The following PWWP3B variants were observed in gnomAD, a reference collection of about 807,000 sequenced individuals.
PWWP3B encodes the protein PWWP domain-containing DNA repair factor 3B.
Under a neutral mutation model 15.7 loss-of-function variants are expected in PWWP3B, and 5 were observed. The observed-to-expected ratio is 0.32, with a 90% CI of 0.17 to 0.67. The LOEUF (loss-of-function observed/expected upper bound fraction) is 0.67, where lower values mean the gene tolerates loss of function less well. Ranked by LOEUF, PWWP3B falls within the 30% of genes least tolerant of loss-of-function variation. The probability of loss-of-function intolerance (pLI) is 0.74; values close to 1 mark genes in which losing one functional copy is unlikely to be tolerated. For synonymous variants in PWWP3B, 203 were observed against 179.8 expected (o/e 1.13, Z -1.03); for missense variants, 519 against 493.1 (o/e 1.05, Z -0.50).
chrX:106,202,850 AT>A (rs1923781990), intron 2 of PWWP3B, among the ~76,000 whole-genome samples: 1 of 112,375 alleles, frequency 8.9e-6, no homozygotes, highest in African/African-American at 3.2e-5. Context: ...TAGTATACCT[AT>A]GTATGTTACT....
intron 2 of PWWP3B, among the ~76,000 whole-genome samples, chrX:106,175,136 A>G (rs1921818647): frequency 9.1e-6 from 1 of 110,308 alleles, no homozygotes; most frequent in African/African-American, 3.3e-5. Flanking sequence ...GAAAGAAGTC[A>G]AGGATAGTAA....
intron 2 of PWWP3B, among the ~76,000 whole-genome samples, chrX:106,172,646 A>G (rs1184401960): frequency 6.3e-5 from 7 of 111,041 alleles, no homozygotes; most frequent in Non-Finnish European, 1.3e-4. Flanking sequence ...GCCCTTTTCT[A>G]GAATACCCCC....
intron 2 of PWWP3B, among the ~76,000 whole-genome samples, chrX:106,195,626 A>G (rs1344974410): frequency 2.7e-5 from 3 of 111,840 alleles, no homozygotes; most frequent in Non-Finnish European, 5.6e-5. Flanking sequence ...TCTGTTGGCT[A>G]TATTTGATGG....
chrX:106,188,516 T>G (rs1922658179), intron 2 of PWWP3B, among the ~76,000 whole-genome samples: 1 of 111,966 alleles, frequency 8.9e-6, no homozygotes, highest in Non-Finnish European at 1.9e-5. Flanking sequence ...GACCCGGGTT[T>G]AAAGAGGTAT....
At position 106,206,719 on chromosome X, in the gene PWWP3B, G is replaced by A. The variant is rs779990784; in HGVS notation, c.1287G>A (p.Met429Ile). 2.5e-6 allele frequency: 3 copies of A among 1,209,670 alleles called. No homozygotes were observed. Among genetic ancestry groups the A allele is most frequent in the Non-Finnish European group, 3.4e-6 (3 of 894,613 alleles). Residue 429 changes from methionine (M) to isoleucine (I), a missense_variant, in exon 4 of 4, where the codon ATG becomes ATA. Met to Ile is a conservative substitution (Grantham distance 10, BLOSUM62 1). Transcript: ENST00000357175. ...GTGTGCTTTTTGTTGAGGCAAACAT[G>A]AATTCTGAAAAGAAGGGCATTAGAG... ...KASVLFVEAN[M>I]NSEKKGIRVN...
At chrX:106,173,284 T>C (rs1398791359) in intron 2 of PWWP3B, among the ~76,000 whole-genome samples, 1 of 111,611 alleles carries the variant, frequency 9.0e-6, no homozygotes, top group Non-Finnish European at 1.9e-5. Flanking sequence ...ACAAAAACAA[T>C]GTCCCCGATA....
intron 2 of PWWP3B, among the ~76,000 whole-genome samples, chrX:106,179,943 C>G (rs1922101827): frequency 9.0e-6 from 1 of 111,687 alleles, no homozygotes; most frequent in South Asian, 3.7e-4. Context: ...TTGGATGCCC[C>G]AGCCATCTGC....
At chrX:106,203,791 A>G (rs752131479) in intron 2 of PWWP3B, among the ~76,000 whole-genome samples, 194 bp from the exon 3 acceptor site, 5 of 112,217 alleles carry the variant, frequency 4.5e-5, no homozygotes, top group Admixed American at 2.8e-4. Context: ...TAAACAAAAT[A>G]GCATAAATTT....
At chrX:106,171,970 T>A (rs1921643076) in intron 2 of PWWP3B, among the ~76,000 whole-genome samples, 1 of 111,487 alleles carries the variant, frequency 9.0e-6, no homozygotes, top group Admixed American at 9.6e-5. Context: ...TATACTAAAA[T>A]AAGATTAAAA....
intron 1 of PWWP3B, among the ~76,000 whole-genome samples, chrX:106,168,764 G>C (rs1159775912): frequency 8.9e-6 from 1 of 111,862 alleles, no homozygotes; most frequent in Non-Finnish European, 1.9e-5. Context: ...GGGGATGTTG[G>C]TTTTTTATAT....
chrX:106,192,140 G>C (rs140956389), intron 2 of PWWP3B, among the ~76,000 whole-genome samples: 56 of 111,722 alleles, frequency 5.0e-4, no homozygotes, highest in Non-Finnish European at 7.5e-4. Flanking sequence ...TTGTACCTCT[G>C]TTAGAATTTG....
At position 106,184,021 on chromosome X, in the gene PWWP3B, C is replaced by A. The variant is rs747659688; in HGVS notation, c.-401+12882C>A. On this transcript the variant is annotated intron_variant, in intron 2 of 3. Transcript: ENST00000357175. ...CTTTGCAAACCTCACTGGTAACAAGCCCTACCGGGTGATTGGCCTGCTCCA... is the reference window on the plus strand; with the variant it reads ...CTTTGCAAACCTCACTGGTAACAAGACCTACCGGGTGATTGGCCTGCTCCA... 3.6e-5 allele frequency among the ~76,000 whole-genome samples: 4 copies of A among 111,844 alleles called. No individual in the cohort carries two copies. In the South Asian group the frequency reaches 1.5e-3, roughly 42 times the overall value.
intron 2 of PWWP3B, among the ~76,000 whole-genome samples, chrX:106,197,996 A>G (rs1204860554): frequency 8.9e-6 from 1 of 112,181 alleles, no homozygotes; most frequent in Admixed American, 9.5e-5. Flanking sequence ...TGCTTTAGGA[A>G]GAAGCAGATG....
chrX:106,175,503 G>A (rs1226616814), intron 2 of PWWP3B, among the ~76,000 whole-genome samples: 2 of 110,377 alleles, frequency 1.8e-5, no homozygotes, highest in Non-Finnish European at 3.8e-5. Flanking sequence ...GCCTCCCAAA[G>A]TGCTGGTATT....
intron 2 of PWWP3B, among the ~76,000 whole-genome samples, chrX:106,189,347 A>T (rs182334321): frequency 2.7e-5 from 3 of 110,641 alleles, no homozygotes; most frequent in Non-Finnish European, 3.8e-5. Flanking sequence ...GTCATTTAGC[A>T]TTAGGTATAT....
intron 2 of PWWP3B, among the ~76,000 whole-genome samples, chrX:106,197,139 C>T (rs141205069): frequency 0.016 from 1,783 of 111,949 alleles, 31 homozygotes; most frequent in African/African-American, 0.054. Flanking sequence ...ATTCTTTCCT[C>T]TCCCCATGGC....
chrX:106,195,509 T>A (rs1923322833), intron 2 of PWWP3B, among the ~76,000 whole-genome samples: 1 of 111,786 alleles, frequency 8.9e-6, no homozygotes, highest in African/African-American at 3.3e-5. Flanking sequence ...TTGTATATCT[T>A]CTTAGCTGAG....
At chrX:106,197,288 C>G (rs1198769962) in intron 2 of PWWP3B, among the ~76,000 whole-genome samples, 8 of 111,841 alleles carry the variant, frequency 7.2e-5, no homozygotes, top group African/African-American at 2.6e-4. Context: ...CCTTCTACTT[C>G]TCCCTGAGCA....
intron 2 of PWWP3B, among the ~76,000 whole-genome samples, chrX:106,185,433 C>G (rs1922452524): frequency 9.0e-6 from 1 of 111,404 alleles, no homozygotes; most frequent in African/African-American, 3.3e-5. Flanking sequence ...AGATCCCCCT[C>G]TTGCCCAAGA....
Sources: gnomAD v4.1 joint callset for allele counts (sites outside exome capture counted in the v4.1 genomes callset) on GRCh38, gnomAD v4.1.1 for gene constraint, MANE v1.5 for transcripts, NCBI Gene and HGNC (gene_info 2026-07-23, HGNC 2026-07-21) for gene names.